LAMC3: variants seen among roughly 807,000 people sequenced by gnomAD.
The protein encoded by LAMC3 is laminin subunit gamma-3.
LAMC3 carries 128 observed loss-of-function variants against 173.8 expected under a neutral mutation model. The ratio of observed to expected loss-of-function variants is 0.74; its 90% confidence interval spans 0.64 to 0.85. The LOEUF (loss-of-function observed/expected upper bound fraction) is 0.85. LAMC3 is among the 40% of genes least tolerant of loss of function. The pLI is 0.00. For synonymous variants in LAMC3, 897 were observed against 909.1 expected, an observed-to-expected ratio of 0.99 and a Z score of 0.24; for missense variants, 2,022 against 2,156.0, an observed-to-expected ratio of 0.94 and a Z score of 1.23.
chr9:131,068,311 C>T (rs1428637036), intron 15 of LAMC3, 80 bp downstream of exon 15: 1 of 1,476,014 alleles, frequency 6.8e-7, no homozygotes. Flanking sequence ...AGGGAGGGGC[C>T]TGGTTTGGAA....
chr9:131,022,603 C>T (rs1251750609), intron 1 of LAMC3, among the ~76,000 whole-genome samples: 1 of 152,086 alleles, frequency 6.6e-6, no homozygotes, highest in African/African-American at 2.4e-5. Flanking sequence ...CTCTGTTGCA[C>T]AGGCTGGAGT....
intron 13 of LAMC3, among the ~76,000 whole-genome samples, chr9:131,065,526 A>T (rs899945182): frequency 6.6e-6 from 1 of 152,232 alleles, no homozygotes; most frequent in African/African-American, 2.4e-5. Flanking sequence ...GATGGTGACA[A>T]TGAAGAGGGT....
At chr9:131,038,635 T>C (rs1481559839) in intron 4 of LAMC3, among the ~76,000 whole-genome samples, 1 of 152,170 alleles carries the variant, frequency 6.6e-6, no homozygotes. Flanking sequence ...GTTGTTTTGG[T>C]GTATTTACTA....
chr9:131,030,519 A>G (rs1313020283), intron 2 of LAMC3, among the ~76,000 whole-genome samples: 1 of 152,190 alleles, frequency 6.6e-6, no homozygotes, highest in Admixed American at 6.5e-5. Flanking sequence ...GGGATCAGAT[A>G]GACCAGAATC....
At chr9:131,036,468 G>A in intron 4 of LAMC3, 136 bp downstream of exon 4, 2 of 951,244 alleles carry the variant, frequency 2.1e-6, no homozygotes, top group Non-Finnish European at 1.6e-6. Context: ...CTGTGCTGCT[G>A]CAGAGATAAG....
intron 2 of LAMC3, among the ~76,000 whole-genome samples, chr9:131,031,584 C>T (rs1288652080): frequency 6.6e-6 from 1 of 152,168 alleles, no homozygotes; most frequent in Non-Finnish European, 1.5e-5. Context: ...GCACACCGTC[C>T]CCCAGCTGTA....
chr9:131,056,288 C>G (rs528622250), intron 11 of LAMC3, among the ~76,000 whole-genome samples: 4 of 152,070 alleles, frequency 2.6e-5, no homozygotes, highest in African/African-American at 7.2e-5. Context: ...TATGAGTAGC[C>G]CAGGTGAGTT....
chr9:131,050,737 C>T (rs756238874), intron 9 of LAMC3, among the ~76,000 whole-genome samples: 6 of 151,568 alleles, frequency 4.0e-5, no homozygotes, highest in Non-Finnish European at 8.8e-5. Context: ...CACTACACTC[C>T]AGCCTGGGCG....
At chr9:131,069,261 C>T (rs2133318650) in intron 16 of LAMC3, among the ~76,000 whole-genome samples, 1 of 152,330 alleles carries the variant, frequency 6.6e-6, no homozygotes, top group Admixed American at 6.5e-5. Context: ...GGGTGCAGGG[C>T]TGTGCTTGTG....
In LAMC3 at chr9:131,009,459, C is replaced by G. The variant is rs1833368350; in HGVS notation, c.245C>G (p.Pro82Arg). The change falls in exon 1 of 28, where the codon CCC (proline) becomes CGC (arginine). Residue 82 changes from proline (P) to arginine (R), a missense_variant. Physicochemically the swap from Pro to Arg is moderately radical, Grantham distance 103 (BLOSUM62 -2). Transcript: ENST00000361069. The surrounding 1 kb of genome is among the most constrained non-coding windows in gnomAD (Gnocchi z 4.3). ...AHCQRCDAAD[P>R]QRHHNASYLT... ...TGCCAGCGCTGCGACGCCGCCGACC[C>G]CCAGCGCCACCACAACGCCTCCTAC... 9.0e-6 allele frequency: 14 copies of G among 1,548,108 alleles called. No homozygotes were observed. Among genetic ancestry groups the G allele is most frequent in the Non-Finnish European group, 1.2e-5 (14 of 1,146,510 alleles).
chr9:131,052,125 T>A (rs865911559), intron 9 of LAMC3, among the ~76,000 whole-genome samples: 8 of 152,332 alleles, frequency 5.3e-5, no homozygotes, highest in Middle Eastern at 6.8e-3. Context: ...TTCGTGCTCA[T>A]GGGCATCGTG....
rs58637956 is a variant in LAMC3, at chr9:131,045,221, C to CAA, written c.1383-289_1383-288dup. On this transcript the variant is annotated intron_variant, in intron 7 of 27. Transcript: ENST00000361069. ...TGGGCCACAGAACAAGACTCTGTCT[C>CAA]AAAAAAAAAAAAAAACAACAACAAC... 0.44 allele frequency among the ~76,000 whole-genome samples: 48,713 copies of CAA among 109,530 alleles called. 9,654 individuals carry two copies. Among genetic ancestry groups the CAA allele is most frequent in the Non-Finnish European group, 0.53 (27,514 of 51,700 alleles). 71.9% of individuals were successfully genotyped at this position (109,530 alleles called of 152,430 possible). A position where few individuals can be genotyped will look rare whatever the true frequency, so the allele number is the denominator to read the frequency against.
At chr9:131,021,124 A>G (rs761461327) in intron 1 of LAMC3, 1 of 152,200 alleles carries the variant, frequency 6.6e-6, no homozygotes, top group Non-Finnish European at 1.5e-5. Flanking sequence ...TTCACTGCTT[A>G]CAAGGTTATT....
At position 131,055,073 on chromosome 9, in the gene LAMC3, C is replaced by T. The variant is rs559658083; in HGVS notation, c.1940-1856C>T. On this transcript the variant is annotated intron_variant, in intron 11 of 27. Transcript: ENST00000361069. Reference sequence around the variant, plus strand: ...GGCCTCCAGTTTTCCCCATTACAACCGTGTCACAGGGAATAGGGACCAGCC... The same window carrying T: ...GGCCTCCAGTTTTCCCCATTACAACTGTGTCACAGGGAATAGGGACCAGCC... 8.5e-5 allele frequency among the ~76,000 whole-genome samples: 13 copies of T among 152,208 alleles called. 1 individual carries two copies. The highest frequency in any genetic ancestry group is 1.9e-4 in the East Asian group (1 of 5,174).
chr9:131,045,812 TGG>T, intron 8 of LAMC3, 152 bp downstream of exon 8: 1 of 961,846 alleles, frequency 1.0e-6, no homozygotes, highest in Non-Finnish European at 1.6e-6. Context: ...GGTGAGATGA[TGG>T]CTCCCCAGTG....
chr9:131,036,248 G>A lies in LAMC3; in HGVS notation c.892G>A (p.Gly298Ser), dbSNP rs770821992. 2.1e-4 allele frequency: 343 copies of A among 1,613,044 alleles called. No individual in the cohort carries two copies. Among genetic ancestry groups the A allele is most frequent in the Non-Finnish European group, 2.7e-4 (318 of 1,179,858 alleles). ...LACRCQHNTTGTDCERCLPFF... is the reference protein window; with the variant it reads ...LACRCQHNTTSTDCERCLPFF... ...CTGCCGGTGCCAGCACAACACCACC[G>A]GCACAGACTGTGAGCGCTGCCTGCC... Residue 298 changes from glycine (G) to serine (S), a missense_variant, in exon 4 of 28, where the codon GGC (glycine) becomes AGC (serine). By Grantham distance (56) the Gly-to-Ser change is moderately conservative. Transcript: ENST00000361069.
At chr9:131,048,886 A>G in intron 8 of LAMC3, 134 bp from the exon 9 acceptor site, 1 of 607,186 alleles carries the variant, frequency 1.6e-6, no homozygotes, top group Non-Finnish European at 3.0e-6. Context: ...GCCCCCAAGC[A>G]GATCCGGGTC....
chr9:131,026,503 TC>T lies in LAMC3; in HGVS notation c.596del (p.Pro199ArgfsTer2). The T allele has an allele frequency of 6.2e-7, 1 of 1,613,158 alleles. No homozygotes were observed. The highest frequency in any genetic ancestry group is 8.5e-7 in the Non-Finnish European group (1 of 1,179,880). On this transcript the variant is annotated frameshift_variant, in exon 2 of 28. Transcript: ENST00000361069. LOFTEE classifies it high-confidence loss of function. This position sits in a 1 kb window ranked among gnomAD's most constrained non-coding sequence, Gnocchi z 4.8. ...CTGCACCTCTGAGTTCAGCGACATC[TC>T]CCCGCTGAGTGGCGGCAACGTGGCC... The part of the protein sequence containing the change: ...AFCTSEFSDI[S>X]PLSGGNVAFS...
In LAMC3 at chr9:131,091,924, C is replaced by CAG; in HGVS notation, c.*138_*139insGA. On this transcript the variant is annotated 3_prime_UTR_variant, in exon 28 of 28. Transcript: ENST00000361069. ...GTGAACTCGCCCCCGTGTGGATAGTCACTCCCTGCCGATTCTGTCTGTGGC... is the reference window on the plus strand; with the variant it reads ...GTGAACTCGCCCCCGTGTGGATAGTCAGACTCCCTGCCGATTCTGTCTGTGGC... 2.2e-6 allele frequency: 2 copies of CAG among 896,544 alleles called. No homozygotes were observed. Among genetic ancestry groups the CAG allele is most frequent in the Non-Finnish European group, 1.6e-6 (1 of 640,504 alleles). The allele number at this position is 896,544 out of a possible 1,614,324, so 55.5% of individuals were successfully genotyped here.
Sources: allele counts gnomAD v4.1 joint callset (sites outside exome capture counted in the v4.1 genomes callset), GRCh38; gene constraint gnomAD v4.1.1; non-coding constraint Gnocchi (gnomAD v3.1); transcripts MANE v1.5; gene names NCBI Gene and HGNC (gene_info 2026-07-23, HGNC 2026-07-21).